The following TAFA5 variants were observed in gnomAD, a reference collection of about 807,000 sequenced individuals.
The protein encoded by TAFA5 is TAFA chemokine like family member 5.
A neutral mutation model predicts 15.3 loss-of-function variants in TAFA5; 6 were observed. The ratio of observed to expected loss-of-function variants is 0.39; its 90% CI spans 0.21 to 0.77. TAFA5 has a LOEUF of 0.77. TAFA5 is among the 30% of genes least tolerant of loss of function. The pLI is 0.41. For missense variants in TAFA5, 161 were observed against 193.1 expected, an observed-to-expected ratio of 0.83 and a Z score of 0.98; for synonymous variants, 103 against 80.7, an observed-to-expected ratio of 1.28 and a Z score of -1.48.
chr22:48,534,495 T>C (rs1009037025), intron 1 of TAFA5, among the ~76,000 whole-genome samples: 3 of 151,970 alleles, frequency 2.0e-5, no homozygotes, highest in African/African-American at 7.2e-5. Flanking sequence ...GAGCAGCAGG[T>C]CCAGGACAGC....
At chr22:48,583,374 C>G (rs1013676422) in intron 1 of TAFA5, among the ~76,000 whole-genome samples, 5 of 150,086 alleles carry the variant, frequency 3.3e-5, no homozygotes, top group African/African-American at 1.2e-4. Context: ...ACATACCACA[C>G]ACCACATACA....
At chr22:48,553,632 C>T (rs1380481933) in intron 1 of TAFA5, among the ~76,000 whole-genome samples, 2 of 152,182 alleles carry the variant, frequency 1.3e-5, no homozygotes, top group Admixed American at 1.3e-4. Flanking sequence ...GGGGCCCAGA[C>T]AGTGTTCTGG....
At chr22:48,492,206 A>C (rs1315255007) in intron 1 of TAFA5, among the ~76,000 whole-genome samples, 1 of 151,692 alleles carries the variant, frequency 6.6e-6, no homozygotes, top group Admixed American at 6.6e-5. Context: ...TCTTTCTTCC[A>C]ATAGATCTGG....
intron 1 of TAFA5, among the ~76,000 whole-genome samples, chr22:48,620,667 A>AC (rs1202533378): frequency 1.0e-3 from 8 of 7,962 alleles, no homozygotes; most frequent in Middle Eastern, 0.071. Context: ...CCATCCATCC[A>AC]CCACCCCCAC....
intron 3 of TAFA5, among the ~76,000 whole-genome samples, chr22:48,709,433 G>C (rs140290426): frequency 6.6e-6 from 1 of 152,134 alleles, no homozygotes; most frequent in Admixed American, 6.5e-5. Context: ...CTGCGTTACC[G>C]CCCTGAGTCT....
chr22:48,641,184 G>T (rs1207537983), intron 1 of TAFA5, among the ~76,000 whole-genome samples: 1 of 152,064 alleles, frequency 6.6e-6, no homozygotes, highest in Non-Finnish European at 1.5e-5. Context: ...AGGGCAGTGG[G>T]AACAGTGGTC....
At chr22:48,525,567 C>A (rs1921753061) in intron 1 of TAFA5, among the ~76,000 whole-genome samples, 1 of 152,230 alleles carries the variant, frequency 6.6e-6, no homozygotes, top group Admixed American at 6.5e-5. Context: ...CAGGTCCACC[C>A]TCTGCCTCAG....
At chr22:48,565,826 C>T (rs968932967) in intron 1 of TAFA5, among the ~76,000 whole-genome samples, 1 of 152,182 alleles carries the variant, frequency 6.6e-6, no homozygotes, top group Non-Finnish European at 1.5e-5. Flanking sequence ...TTGTTCCTTG[C>T]CTAGACCAAA....
intron 3 of TAFA5, among the ~76,000 whole-genome samples, chr22:48,708,564 G>T (rs130150): frequency 0.7 from 106,639 of 152,182 alleles, 37,546 homozygotes; most frequent in Middle Eastern, 0.72. Flanking sequence ...GGGAGCCCAC[G>T]CCCACGTGCA....
chr22:48,684,212 G>T (rs967846647), intron 2 of TAFA5, among the ~76,000 whole-genome samples: 4 of 152,102 alleles, frequency 2.6e-5, no homozygotes, highest in African/African-American at 9.7e-5. Flanking sequence ...GCTTGGCTCT[G>T]CCGTCCCTCA....
intron 2 of TAFA5, among the ~76,000 whole-genome samples, chr22:48,664,133 C>T (rs4925429): frequency 0.14 from 21,089 of 152,202 alleles, 1,757 homozygotes; most frequent in Admixed American, 0.26. Flanking sequence ...ATGGAAAAGG[C>T]GTTCAGTTTG....
chr22:48,542,137 A>ATG lies in TAFA5; in HGVS notation c.112+52444_112+52445dup, dbSNP rs1343061011. Among the ~76,000 whole-genome samples, 13 of 86,172 alleles carry ATG rather than the reference A, an allele frequency of 1.5e-4. No individual in the cohort carries two copies. In the Admixed American group the frequency reaches 1.5e-3, roughly 10 times the overall value. 56.5% of individuals were successfully genotyped at this position (86,172 alleles called of 152,430 possible). On this transcript the variant is annotated intron_variant, in intron 1 of 3. Coordinates refer to ENST00000402357, the MANE Select transcript of TAFA5 (RefSeq NM_001082967.3). ...TGTGTGTGTGGTGTGTGTGATGTGT[A>ATG]TGTGTGTGTGTGGGTGTGGGGGGTG...
At chr22:48,513,270 T>C (rs6008748) in intron 1 of TAFA5, among the ~76,000 whole-genome samples, 33,092 of 152,196 alleles carry the variant, frequency 0.22, 3,713 homozygotes, top group African/African-American at 0.28. Flanking sequence ...CAGCAGGTCC[T>C]GGAGTAACAT....
chr22:48,746,455 C>T (rs1930330362), intron 3 of TAFA5, among the ~76,000 whole-genome samples: 1 of 152,130 alleles, frequency 6.6e-6, no homozygotes, highest in East Asian at 1.9e-4. Flanking sequence ...AATCGCACCA[C>T]TGCACTCCAG....
intron 1 of TAFA5, among the ~76,000 whole-genome samples, chr22:48,628,676 C>T (rs1033159821): frequency 6.6e-6 from 1 of 152,220 alleles, no homozygotes; most frequent in Non-Finnish European, 1.5e-5. Flanking sequence ...CTGCCATGCT[C>T]TGTGTCCCTC....
chr22:48,604,683 C>T (rs1925095391), intron 1 of TAFA5, among the ~76,000 whole-genome samples: 1 of 152,084 alleles, frequency 6.6e-6, no homozygotes, highest in African/African-American at 2.4e-5. Flanking sequence ...CTTGTGGTGC[C>T]CTTCTGGTGT....
intron 1 of TAFA5, among the ~76,000 whole-genome samples, chr22:48,632,803 A>T: frequency 6.6e-6 from 1 of 152,132 alleles, no homozygotes; most frequent in Non-Finnish European, 1.5e-5. Context: ...GAGAGAATTG[A>T]AGGCTCCAGG....
rs145550483 is a variant in TAFA5 at position 48,568,731 on chromosome 22, C to T, written c.113-77866C>T. Among the ~76,000 whole-genome samples the T allele has an allele frequency of 4.3e-3, 653 of 152,290 alleles. 2 individuals carry two copies. The highest frequency in any genetic ancestry group is 6.5e-3 in the Admixed American group (100 of 15,304). On this transcript the variant is annotated intron_variant, in intron 1 of 3. Coordinates refer to ENST00000402357, the MANE Select transcript of TAFA5 (RefSeq NM_001082967.3). ...GTCACAACGGTGGCTGGAGCTGTGA[C>T]CAGTGGTCCTCCCCCCACGAAGCCC...
At chr22:48,635,316 G>C (rs1266356687) in intron 1 of TAFA5, among the ~76,000 whole-genome samples, 2 of 152,216 alleles carry the variant, frequency 1.3e-5, no homozygotes, top group African/African-American at 4.8e-5. Context: ...CAGGGGCCTG[G>C]GGGCAGGCAG....
Sources: gnomAD v4.1 joint callset for allele counts (sites outside exome capture counted in the v4.1 genomes callset) on GRCh38, gnomAD v4.1.1 for gene constraint, MANE v1.5 for transcripts, NCBI Gene and HGNC (gene_info 2026-07-23, HGNC 2026-07-21) for gene names.